The following ONECUT1 variants were observed in gnomAD, a reference collection of about 807,000 sequenced individuals.
ONECUT1 encodes the protein hepatocyte nuclear factor 6.
ONECUT1 carries 12 observed loss-of-function variants against 25.6 expected under a neutral mutation model. That is an observed-to-expected ratio of 0.47 (90% CI 0.30 to 0.76). The LOEUF (loss-of-function observed/expected upper bound fraction) is 0.76. Among genes scored for constraint, ONECUT1 ranks in the 30% least tolerant of loss-of-function variants. The pLI is 0.07. For missense variants in ONECUT1, 620 were observed against 651.2 expected (o/e 0.95, Z 0.52); for synonymous variants, 285 against 270.2 (o/e 1.05, Z -0.54).
In ONECUT1 at chr15:52,788,089, G is replaced by A. The variant is rs1262351917; in HGVS notation, c.1105+691C>T. On this transcript the variant is annotated intron_variant, in intron 1 of 1. Coordinates refer to ENST00000305901, the MANE Select transcript of ONECUT1 (RefSeq NM_004498.4). The surrounding 1 kb of genome is among the most constrained non-coding windows in gnomAD (Gnocchi z 4.3). ...GAGTCGGTCCCAGGACATGGCTATT[G>A]CTTTGCAGCTCTCACTGGGACCTTG... is the stretch of plus-strand genomic sequence containing the variant. 4 of 152,304 alleles carry A rather than the reference G, an allele frequency of 2.6e-5. No homozygotes were observed. Among genetic ancestry groups the A allele is most frequent in the Non-Finnish European group, 4.4e-5 (3 of 68,086 alleles). 9.4% of individuals were successfully genotyped at this position (152,304 alleles called of 1,614,324 possible). A position where few individuals can be genotyped will look rare whatever the true frequency, so the allele number is the denominator to read the frequency against.
chr15:52,775,221 T>A (rs1222911144), intron 1 of ONECUT1, among the ~76,000 whole-genome samples: 1 of 149,966 alleles, frequency 6.7e-6, no homozygotes, highest in African/African-American at 2.5e-5. Flanking sequence ...TAAGCTAGAA[T>A]AAGGGGACCA....
chr15:52,760,607 G>C (rs945970377), intron 1 of ONECUT1, among the ~76,000 whole-genome samples: 1 of 152,152 alleles, frequency 6.6e-6, no homozygotes, highest in African/African-American at 2.4e-5. Flanking sequence ...AGTGAGAGGA[G>C]TGGGAAAGCT....
intron 1 of ONECUT1, among the ~76,000 whole-genome samples, chr15:52,777,744 A>C (rs533813246): frequency 5.5e-5 from 8 of 146,750 alleles, no homozygotes; most frequent in Non-Finnish European, 9.1e-5. Flanking sequence ...ACACAAAAAA[A>C]CATGTAAAGT....
At position 52,788,687 on chromosome 15, in the gene ONECUT1, C is replaced by T. The variant is rs2083893025; in HGVS notation, c.1105+93G>A. 1 of 1,369,970 alleles carries T rather than the reference C, an allele frequency of 7.3e-7. No individual in the cohort carries two copies. Among genetic ancestry groups the T allele is most frequent in the Non-Finnish European group, 9.9e-7 (1 of 1,007,710 alleles). The allele number at this position is 1,369,970 out of a possible 1,614,324, so 84.9% of individuals were successfully genotyped here. On this transcript the variant is annotated intron_variant, in intron 1 of 1. Coordinates refer to ENST00000305901, the MANE Select transcript of ONECUT1 (RefSeq NM_004498.4). The surrounding 1 kb of genome is among the most constrained non-coding windows in gnomAD (Gnocchi z 4.3). ...AGGGGTAGGGGCGGGCGGGATGAAG[C>T]GCACCCAGCCCTCTCTCCTACCCTT...
chr15:52,782,321 C>T (rs1241985102), intron 1 of ONECUT1, among the ~76,000 whole-genome samples: 3 of 152,144 alleles, frequency 2.0e-5, no homozygotes, highest in African/African-American at 7.2e-5. Context: ...ATCAGATTGT[C>T]TTGTGATTGG....
Position 52,767,838 on chromosome 15 carries a change from T to C in ONECUT1, c.1106-9991A>G, listed in dbSNP as rs551833008. Among the ~76,000 whole-genome samples the C allele has an allele frequency of 4.3e-4, 65 of 152,316 alleles. 1 individual carries two copies. The highest frequency in any genetic ancestry group is 7.3e-4 in the Non-Finnish European group (50 of 68,034). ...ATAAAGAAAATGTGGTAGATATACA[T>C]ATATACATATTATTCAGCCATAAAA... On this transcript the variant is annotated intron_variant, in intron 1 of 1. Transcript: ENST00000305901.
At chr15:52,786,627 A>G (rs929980069) in intron 1 of ONECUT1, among the ~76,000 whole-genome samples, 13 of 152,228 alleles carry the variant, frequency 8.5e-5, no homozygotes, top group African/African-American at 3.1e-4. Context: ...TGCGGGTCCC[A>G]GCACTCAGGC....
chr15:52,757,838 C>T lies in ONECUT1; in HGVS notation c.1115G>A (p.Arg372Lys). 2 of 1,612,628 alleles carry T rather than the reference C, an allele frequency of 1.2e-6. No homozygotes were observed. Among genetic ancestry groups the T allele is most frequent in the South Asian group, 2.2e-5 (2 of 90,928 alleles). ...MSALRLAACK[R>K]KEQEHGKDRG... ...ATCCTTCCCATGTTCTTGTTCTTTCCTTTTGCATGCTGTGAAGAAACACAG... is the reference window on the plus strand; with the variant it reads ...ATCCTTCCCATGTTCTTGTTCTTTCTTTTTGCATGCTGTGAAGAAACACAG... Residue 372 changes from arginine to lysine, a missense_variant, in exon 2 of 2, where the codon AGG becomes AAG. Coordinates refer to ENST00000305901, the MANE Select transcript of ONECUT1 (RefSeq NM_004498.4).
intron 1 of ONECUT1, among the ~76,000 whole-genome samples, chr15:52,769,456 AGTT>A (rs1316092384): frequency 6.6e-6 from 1 of 152,222 alleles, no homozygotes; most frequent in Admixed American, 6.5e-5. Context: ...TTTTTGCAGT[AGTT>A]TAATGGCACC....
intron 1 of ONECUT1, among the ~76,000 whole-genome samples, chr15:52,772,672 G>A (rs1053243066): frequency 2.6e-5 from 4 of 152,164 alleles, no homozygotes; most frequent in Non-Finnish European, 5.9e-5. Context: ...CCAGAAAGAG[G>A]AAGAACAAGG....
intron 1 of ONECUT1, among the ~76,000 whole-genome samples, chr15:52,782,034 T>C (rs1410872448): frequency 3.3e-5 from 5 of 152,246 alleles, no homozygotes; most frequent in African/African-American, 1.2e-4. Context: ...GAAGAAAATT[T>C]CTTTTTTTCT....
chr15:52,777,141 A>G (rs1466559370), intron 1 of ONECUT1, among the ~76,000 whole-genome samples: 3 of 152,248 alleles, frequency 2.0e-5, no homozygotes, highest in Non-Finnish European at 2.9e-5. Flanking sequence ...TTTGATTTCA[A>G]AAAGATCAAA....
In ONECUT1 at chr15:52,788,442, G is replaced by C. The variant is rs996370414; in HGVS notation, c.1105+338C>G. On this transcript the variant is annotated intron_variant, in intron 1 of 1. Transcript: ENST00000305901. The surrounding 1 kb of genome is among the most constrained non-coding windows in gnomAD (Gnocchi z 4.3). ...CCAAACCCGGATCGCTGAACTGAGAGGTGGCGCAGAGTGTCTCACCAGGTG... is the reference window on the plus strand; with the variant it reads ...CCAAACCCGGATCGCTGAACTGAGACGTGGCGCAGAGTGTCTCACCAGGTG... 6 of 283,934 alleles carry C rather than the reference G, an allele frequency of 2.1e-5. No homozygotes were observed. Among genetic ancestry groups the C allele is most frequent in the Non-Finnish European group, 4.0e-5 (6 of 150,004 alleles). 17.6% of individuals were successfully genotyped at this position (283,934 alleles called of 1,614,324 possible).
At chr15:52,783,224 C>T (rs192898323) in intron 1 of ONECUT1, among the ~76,000 whole-genome samples, 1 of 152,230 alleles carries the variant, frequency 6.6e-6, no homozygotes, top group Non-Finnish European at 1.5e-5. Context: ...CACAGGGACG[C>T]GAATTCCGAT....
At chr15:52,779,651 A>AT (rs2083827353) in intron 1 of ONECUT1, among the ~76,000 whole-genome samples, 1 of 152,092 alleles carries the variant, frequency 6.6e-6, no homozygotes, top group South Asian at 2.1e-4. Context: ...TTAAAAAGCC[A>AT]TTTTTGTAAG....
rs1180789240 is a variant in ONECUT1 at position 52,790,016 on chromosome 15, T to A, written c.-132A>T. The stretch of plus-strand genomic sequence containing the variant: ...CTTCCTTCCTCTCACTGTGGGGCTC[T>A]GTCTCTCTCTCTCTCTCTCTCCGTG... On this transcript the variant is annotated 5_prime_UTR_variant, in exon 1 of 2. Coordinates refer to ENST00000305901, the MANE Select transcript of ONECUT1 (RefSeq NM_004498.4). 2 of 1,329,312 alleles carry A rather than the reference T, an allele frequency of 1.5e-6. No individual in the cohort carries two copies. Among genetic ancestry groups the A allele is most frequent in the Admixed American group, 7.1e-5 (2 of 28,234 alleles). 82.3% of individuals were successfully genotyped at this position (1,329,312 alleles called of 1,614,324 possible).
intron 1 of ONECUT1, chr15:52,787,079 T>G (rs2083880571): frequency 6.6e-6 from 1 of 152,478 alleles, no homozygotes; most frequent in East Asian, 1.9e-4. Flanking sequence ...GAACCTCAGT[T>G]GCTCGCGGGC....
At chr15:52,780,688 G>A (rs1178501977) in intron 1 of ONECUT1, 1 of 1,528,160 alleles carries the variant, frequency 6.5e-7, no homozygotes, top group Non-Finnish European at 8.7e-7. Context: ...AGCGAGCACA[G>A]AGGTCACTAG....
Position 52,766,157 on chromosome 15 carries a change from T to C in ONECUT1, c.1106-8310A>G, listed in dbSNP as rs143041333. Reference sequence around the variant, plus strand: ...TAACTCACCCTTGTGTCTTGCTTTATAGTGCTTAAAACACCTCCATAAAAC... The same window carrying C: ...TAACTCACCCTTGTGTCTTGCTTTACAGTGCTTAAAACACCTCCATAAAAC... On this transcript the variant is annotated intron_variant, in intron 1 of 1. Coordinates refer to ENST00000305901, the MANE Select transcript of ONECUT1 (RefSeq NM_004498.4). Among the ~76,000 whole-genome samples, 27 of 152,142 alleles carry C rather than the reference T, an allele frequency of 1.8e-4. No individual in the cohort carries two copies. The East Asian group carries it at 5.0e-3, about 28-fold the overall frequency.
Sources: gnomAD v4.1 joint callset for allele counts (sites outside exome capture counted in the v4.1 genomes callset) on GRCh38, gnomAD v4.1.1 for gene constraint, Gnocchi (gnomAD v3.1) non-coding constraint, MANE v1.5 for transcripts, NCBI Gene and HGNC (gene_info 2026-07-23, HGNC 2026-07-21) for gene names.